Variants in RNF144A observed in about 807,000 individuals in gnomAD.
RNF144A encodes the protein ring finger protein 144A, also known as E3 ubiquitin-protein ligase RNF144A.
RNF144A carries 11 observed loss-of-function variants against 38.7 expected under a neutral mutation model. That is an observed-to-expected ratio of 0.28 (90% CI 0.18 to 0.47). RNF144A has a LOEUF of 0.47. Ranked by LOEUF, RNF144A falls within the 20% of genes least tolerant of loss-of-function variation. The pLI, the probability that RNF144A is intolerant of heterozygous loss-of-function variation, is 0.99. For synonymous variants in RNF144A, 149 were observed against 143.9 expected (o/e 1.04, Z -0.25); for missense variants, 316 against 377.2 (o/e 0.84, Z 1.34).
chr2:6,940,754 A>G (rs1324307307), intron 1 of RNF144A, among the ~76,000 whole-genome samples, 194 bp from the exon 2 acceptor site: 1 of 149,924 alleles, frequency 6.7e-6, no homozygotes, highest in Non-Finnish European at 1.5e-5. Flanking sequence ...TTATTCATTA[A>G]CTTCTTGGTG....
At chr2:6,990,307 A>G (rs899766262) in intron 2 of RNF144A, among the ~76,000 whole-genome samples, 2 of 151,094 alleles carry the variant, frequency 1.3e-5, no homozygotes, top group Non-Finnish European at 2.9e-5. Flanking sequence ...CTCCAGTCCT[A>G]TTGGATTACG....
In RNF144A at chr2:6,962,974, G is replaced by A. The variant is rs377247589; in HGVS notation, c.-12+21827G>A. Among the ~76,000 whole-genome samples the A allele has an allele frequency of 9.2e-5, 14 of 152,312 alleles. No individual in the cohort carries two copies. Among genetic ancestry groups the A allele is most frequent in the African/African-American group, 2.9e-4 (12 of 41,578 alleles). The stretch of plus-strand genomic sequence containing the variant: ...TAAAAGATGGATGAATAAGGGGACT[G>A]TCCTCAGCACTGAGAAGCAGAGGTC... On this transcript the variant is annotated intron_variant, in intron 2 of 8. Coordinates refer to ENST00000320892, the MANE Select transcript of RNF144A (RefSeq NM_014746.6). The surrounding 1 kb of genome is among the most constrained non-coding windows in gnomAD (Gnocchi z 4.1).
intron 2 of RNF144A, among the ~76,000 whole-genome samples, chr2:6,979,413 C>A (rs1253934143): frequency 6.6e-6 from 1 of 152,176 alleles, no homozygotes; most frequent in Non-Finnish European, 1.5e-5. Context: ...ATCTCTGCAT[C>A]CTAGCCAACT....
chr2:7,052,484 T>C (rs1673569774), intron 6 of RNF144A, among the ~76,000 whole-genome samples: 1 of 152,230 alleles, frequency 6.6e-6, no homozygotes, highest in Admixed American at 6.5e-5. Flanking sequence ...AGGATGGTTC[T>C]CTCCACTGAA....
intron 7 of RNF144A, among the ~76,000 whole-genome samples, chr2:7,027,667 C>T (rs72783712): frequency 0.027 from 4,154 of 152,266 alleles, 78 homozygotes; most frequent in Middle Eastern, 0.079. Flanking sequence ...TGCGGCTTCC[C>T]GGAGCTTGCA....
chr2:7,054,433 A>AGGGAATTATATAGGGTAT (rs1413203692), intron 6 of RNF144A, among the ~76,000 whole-genome samples: 1 of 152,176 alleles, frequency 6.6e-6, no homozygotes, highest in Non-Finnish European at 1.5e-5. Context: ...CACTCAGGTA[A>AGGGAATTATATAGGGTAT]GGGAATTATA....
At chr2:7,025,439 C>T (rs1485664008) in intron 7 of RNF144A, among the ~76,000 whole-genome samples, 2 of 152,162 alleles carry the variant, frequency 1.3e-5, no homozygotes, top group Non-Finnish European at 2.9e-5. Flanking sequence ...TTTGGGAGGC[C>T]GAGGTGGTCA....
At chr2:6,928,659 C>A (rs1164983717) in intron 1 of RNF144A, among the ~76,000 whole-genome samples, 2 of 152,222 alleles carry the variant, frequency 1.3e-5, no homozygotes, top group African/African-American at 4.8e-5. Context: ...GCGCATTCCT[C>A]ATTTGAGCCC....
At chr2:6,981,979 C>A (rs1668658945) in intron 2 of RNF144A, among the ~76,000 whole-genome samples, 1 of 152,184 alleles carries the variant, frequency 6.6e-6, no homozygotes, top group African/African-American at 2.4e-5. Context: ...ACCTTCTTCA[C>A]AAGGCGGCAG....
chr2:6,920,008 G>A (rs188883171), intron 1 of RNF144A, among the ~76,000 whole-genome samples: 151 of 152,314 alleles, frequency 9.9e-4, no homozygotes, highest in African/African-American at 3.4e-3. Context: ...AGTAAGTCAC[G>A]TCTCCTGGGG....
At chr2:7,052,272 C>T (rs1475146531) in intron 6 of RNF144A, among the ~76,000 whole-genome samples, 1 of 152,230 alleles carries the variant, frequency 6.6e-6, no homozygotes. Flanking sequence ...TGCTTCACTC[C>T]ACCTGGGAGC....
chr2:6,973,205 C>G (rs907977755), intron 2 of RNF144A, among the ~76,000 whole-genome samples: 1 of 152,166 alleles, frequency 6.6e-6, no homozygotes, highest in African/African-American at 2.4e-5. Flanking sequence ...AGTGTCCGAG[C>G]TGGGGTTCAA....
chr2:6,945,801 G>A (rs1666302116), intron 2 of RNF144A, among the ~76,000 whole-genome samples: 1 of 151,930 alleles, frequency 6.6e-6, no homozygotes, highest in Admixed American at 6.6e-5. Flanking sequence ...GTAGAACTAA[G>A]ACAATGAGAA....
chr2:6,988,245 G>A (rs1166389091), intron 2 of RNF144A, among the ~76,000 whole-genome samples: 5 of 152,178 alleles, frequency 3.3e-5, no homozygotes, highest in South Asian at 2.1e-4. Flanking sequence ...TCCTGTTAAC[G>A]TCTTGCGTTA....
At position 7,020,713 on chromosome 2, in the gene RNF144A, A is replaced by G. The variant is rs575584046; in HGVS notation, c.509+33A>G. 8.9e-6 allele frequency: 14 copies of G among 1,579,028 alleles called. No homozygotes were observed. The South Asian group carries it at 1.5e-4, about 17-fold the overall frequency. On this transcript the variant is annotated intron_variant, in intron 6 of 8. Coordinates refer to ENST00000320892, the MANE Select transcript of RNF144A (RefSeq NM_014746.6). ...TTGTACACAAGCTGCCACCAAAGGCATGGCTGTGGGCCAGGAGAAGCAGGC... is the reference window on the plus strand; with the variant it reads ...TTGTACACAAGCTGCCACCAAAGGCGTGGCTGTGGGCCAGGAGAAGCAGGC...
At chr2:6,994,533 C>T (rs1387436089) in intron 2 of RNF144A, among the ~76,000 whole-genome samples, 2 of 152,064 alleles carry the variant, frequency 1.3e-5, no homozygotes, top group Non-Finnish European at 2.9e-5. Flanking sequence ...GCATAAAATT[C>T]AAGGTGTAGA....
At chr2:6,982,413 A>G (rs557893999) in intron 2 of RNF144A, among the ~76,000 whole-genome samples, 1 of 151,894 alleles carries the variant, frequency 6.6e-6, no homozygotes, top group East Asian at 1.9e-4. Flanking sequence ...TGCCCTCTTC[A>G]CACCAAGGAA....
intron 2 of RNF144A, among the ~76,000 whole-genome samples, chr2:6,974,227 C>T (rs1668168858): frequency 6.6e-6 from 1 of 152,226 alleles, no homozygotes; most frequent in African/African-American, 2.4e-5. Flanking sequence ...CATGATTCTG[C>T]ACATTGTCAA....
At chr2:6,992,546 A>G (rs1669464014) in intron 2 of RNF144A, among the ~76,000 whole-genome samples, 1 of 152,208 alleles carries the variant, frequency 6.6e-6, no homozygotes, top group Admixed American at 6.5e-5. Context: ...AGGAAACATG[A>G]GAGTGTCCCA....
Sources: allele counts gnomAD v4.1 joint callset (sites outside exome capture counted in the v4.1 genomes callset), GRCh38; gene constraint gnomAD v4.1.1; non-coding constraint Gnocchi (gnomAD v3.1); transcripts MANE v1.5; gene names NCBI Gene and HGNC (gene_info 2026-07-23, HGNC 2026-07-21).